The following TAF1B variants were observed in gnomAD, a reference collection of about 807,000 sequenced individuals.
The protein encoded by TAF1B is TATA-box binding protein associated factor, RNA polymerase I subunit B.
Under a neutral mutation model 83.9 loss-of-function variants are expected in TAF1B, and 61 were observed. The ratio of observed to expected loss-of-function variants is 0.73; its 90% CI spans 0.59 to 0.90. TAF1B has a LOEUF of 0.90. Ranked by LOEUF, TAF1B falls within the 40% of genes least tolerant of loss-of-function variation. TAF1B has a pLI of 0.00. For missense variants in TAF1B, 625 were observed against 677.0 expected (o/e 0.92, Z 0.85); for synonymous variants, 221 against 224.6 (o/e 0.98, Z 0.14).
intron 14 of TAF1B, among the ~76,000 whole-genome samples, chr2:9,920,979 G>A (rs1047805893): frequency 6.6e-6 from 1 of 152,050 alleles, no homozygotes; most frequent in Non-Finnish European, 1.5e-5. Context: ...TCGGCTCTGT[G>A]GCATACTGGC....
In TAF1B at chr2:9,909,061, T is replaced by C. The variant is rs533963905; in HGVS notation, c.956-1675T>C. ...GCGATATTTTGAATTATCATTGTTA[T>C]ATGTGTTCTGTTTCTATGTTAACAA... On this transcript the variant is annotated intron_variant, in intron 9 of 14. Transcript: ENST00000263663. Among the ~76,000 whole-genome samples, 4 of 152,386 alleles carry C rather than the reference T, an allele frequency of 2.6e-5. No homozygotes were observed. The South Asian group carries it at 6.2e-4, about 24-fold the overall frequency.
chr2:9,918,165 G>A (rs1414072365), intron 12 of TAF1B, among the ~76,000 whole-genome samples: 4 of 152,214 alleles, frequency 2.6e-5, no homozygotes, highest in Admixed American at 2.0e-4. Context: ...AATGGCCTGG[G>A]ATTAAGAAGA....
At chr2:9,915,099 A>G (rs1250294613) in intron 12 of TAF1B, among the ~76,000 whole-genome samples, 2 of 152,240 alleles carry the variant, frequency 1.3e-5, no homozygotes, top group African/African-American at 4.8e-5. Context: ...GATGACTTCT[A>G]GCTGTTATAG....
At chr2:9,920,488 T>C (rs965089730) in intron 14 of TAF1B, among the ~76,000 whole-genome samples, 1 of 150,812 alleles carries the variant, frequency 6.6e-6, no homozygotes, top group Non-Finnish European at 1.5e-5. Context: ...GTTCCTCATG[T>C]TTAGATTCAG....
At chr2:9,866,948 AG>A (rs1308235093) in intron 5 of TAF1B, among the ~76,000 whole-genome samples, 3 of 146,646 alleles carry the variant, frequency 2.0e-5, no homozygotes, top group African/African-American at 7.7e-5. Context: ...GGGTGGGTGG[AG>A]GGGGGAGGGA....
At chr2:9,907,533 T>C (rs1325213608) in intron 9 of TAF1B, among the ~76,000 whole-genome samples, 1 of 151,958 alleles carries the variant, frequency 6.6e-6, no homozygotes, top group African/African-American at 2.4e-5. Context: ...CCTCTGGGGC[T>C]CGGGGAAAGC....
chr2:9,891,059 A>G (rs571469575), intron 8 of TAF1B, among the ~76,000 whole-genome samples: 2 of 152,256 alleles, frequency 1.3e-5, no homozygotes, highest in Non-Finnish European at 2.9e-5. Context: ...GGCATGAGCT[A>G]CTGCACCTGG....
At chr2:9,904,194 G>T (rs989229426) in intron 8 of TAF1B, among the ~76,000 whole-genome samples, 1 of 152,054 alleles carries the variant, frequency 6.6e-6, no homozygotes, top group African/African-American at 2.4e-5. Context: ...TGTGGTGGGG[G>T]TTTGGTGTAC....
Position 9,868,399 on chromosome 2 carries a change from C to G in TAF1B, c.523C>G (p.Pro175Ala). Residue 175 changes from proline (P) to alanine (A), a missense_variant, in exon 6 of 15, where the codon CCT becomes GCT. By Grantham distance (27) the Pro-to-Ala change is conservative. Coordinates refer to ENST00000263663, the MANE Select transcript of TAF1B (RefSeq NM_005680.3). ...ESQSDIHTRKPFPVSKASQSE... is the reference protein window; with the variant it reads ...ESQSDIHTRKAFPVSKASQSE... ...TCAGTCTGACATCCACACTCGAAAA[C>G]CTTTCCCCGTCAGCAAAGCATCACA... The G allele has an allele frequency of 6.2e-7, 1 of 1,613,336 alleles. No individual in the cohort carries two copies.
chr2:9,906,696 C>G (rs1259464445), intron 9 of TAF1B, among the ~76,000 whole-genome samples: 1 of 152,024 alleles, frequency 6.6e-6, no homozygotes, highest in Non-Finnish European at 1.5e-5. Flanking sequence ...TATAACGTAA[C>G]CACAGCTACA....
At chr2:9,903,485 A>AT (rs2125168269) in intron 8 of TAF1B, among the ~76,000 whole-genome samples, 1 of 152,368 alleles carries the variant, frequency 6.6e-6, no homozygotes, top group African/African-American at 2.4e-5. Context: ...TACAAATGGT[A>AT]TATGCAAAAA....
rs201786959 is a variant in TAF1B, at chr2:9,919,055, G to C, written c.1286G>C (p.Ser429Thr). The change falls in exon 13 of 15, where the codon AGT becomes ACT. Residue 429 changes from serine (S) to threonine (T), a missense_variant. Physicochemically the swap from Ser to Thr is moderately conservative, Grantham distance 58 (BLOSUM62 1). Transcript: ENST00000263663. The stretch of plus-strand genomic sequence containing the variant: ...ACCTTGTACAGGTACCTGTGGAAAA[G>C]TGAAAAGCCACTCTACTACTCATTT... Reference protein sequence around the residue: ...EEARAKYLWKSEKPLYYSFVD... With the variant: ...EEARAKYLWKTEKPLYYSFVD... 58 of 1,613,856 alleles carry C rather than the reference G, an allele frequency of 3.6e-5. No individual in the cohort carries two copies. The highest frequency in any genetic ancestry group is 4.8e-5 in the Non-Finnish European group (57 of 1,179,968).
Position 9,843,528 on chromosome 2 carries a change from C to A in TAF1B, c.-14C>A. Reference sequence around the variant, plus strand: ...GTAACGGGTCCCGGCTGTGGAAGCTCCCGCGGCGCCGCGATGGACCTCGAG... The same window carrying A: ...GTAACGGGTCCCGGCTGTGGAAGCTACCGCGGCGCCGCGATGGACCTCGAG... On this transcript the variant is annotated 5_prime_UTR_variant, in exon 1 of 15. Coordinates refer to ENST00000263663, the MANE Select transcript of TAF1B (RefSeq NM_005680.3). The A allele has an allele frequency of 6.6e-7, 1 of 1,523,342 alleles. No individual in the cohort carries two copies. The highest frequency in any genetic ancestry group is 8.8e-7 in the Non-Finnish European group (1 of 1,132,534). 94.4% of individuals were successfully genotyped at this position (1,523,342 alleles called of 1,614,324 possible). A position where few individuals can be genotyped will look rare whatever the true frequency, so the allele number is the denominator to read the frequency against.
intron 9 of TAF1B, among the ~76,000 whole-genome samples, chr2:9,908,691 G>C (rs1453902746): frequency 1.3e-5 from 2 of 152,154 alleles, no homozygotes; most frequent in Non-Finnish European, 2.9e-5. Flanking sequence ...AAGCCCAGGA[G>C]TAAATTCAGG....
intron 9 of TAF1B, among the ~76,000 whole-genome samples, chr2:9,909,635 A>G (rs931404236): frequency 6.6e-6 from 1 of 152,244 alleles, no homozygotes; most frequent in Non-Finnish European, 1.5e-5. Context: ...GAGAGCAGTT[A>G]TAAGGGTGGC....
intron 4 of TAF1B, chr2:9,852,154 C>T (rs145491905): frequency 6.9e-5 from 27 of 393,388 alleles, no homozygotes; most frequent in Non-Finnish European, 1.1e-4. Flanking sequence ...CCTTAATCCC[C>T]GAATTTCTGA....
intron 8 of TAF1B, among the ~76,000 whole-genome samples, chr2:9,884,874 G>A (rs1029423436): frequency 5.3e-5 from 8 of 152,062 alleles, no homozygotes; most frequent in Non-Finnish European, 8.8e-5. Flanking sequence ...CCTCAGAGAG[G>A]AGCTTCCCAC....
intron 7 of TAF1B, among the ~76,000 whole-genome samples, chr2:9,880,740 C>G (rs1284979101): frequency 6.6e-6 from 1 of 152,052 alleles, no homozygotes; most frequent in Non-Finnish European, 1.5e-5. Context: ...TAACACTCCA[C>G]ATAGTGCTGG....
At chr2:9,874,939 A>T (rs1003198598) in intron 6 of TAF1B, among the ~76,000 whole-genome samples, 4 of 151,962 alleles carry the variant, frequency 2.6e-5, no homozygotes, top group African/African-American at 4.8e-5. Flanking sequence ...GTTCACTATT[A>T]AAAAATTCAA....
Sources: gnomAD v4.1 joint callset for allele counts (sites outside exome capture counted in the v4.1 genomes callset) on GRCh38, gnomAD v4.1.1 for gene constraint, MANE v1.5 for transcripts, NCBI Gene and HGNC (gene_info 2026-07-23, HGNC 2026-07-21) for gene names.